TTLL7: variants seen among roughly 807,000 people sequenced by gnomAD.
The protein encoded by TTLL7 is tubulin polyglutamylase TTLL7.
A neutral mutation model predicts 120.2 loss-of-function variants in TTLL7; 53 were observed. The observed-to-expected ratio is 0.44, with a 90% CI of 0.35 to 0.55. The LOEUF is 0.55. TTLL7 is among the 20% of genes least tolerant of loss of function. The probability of loss-of-function intolerance (pLI) is 0.00; values close to 1 mark genes in which losing one functional copy is unlikely to be tolerated. For missense variants in TTLL7, 803 were observed against 1,054.7 expected (o/e 0.76, Z 3.31); for synonymous variants, 353 against 351.7 (o/e 1.00, Z -0.04).
chr1:83,890,387 T>G lies in TTLL7; in HGVS notation c.2303A>C (p.Asn768Thr). The G allele has an allele frequency of 6.2e-7, 1 of 1,613,362 alleles. No individual in the cohort carries two copies. The highest frequency in any genetic ancestry group is 8.5e-7 in the Non-Finnish European group (1 of 1,179,594). The stretch of plus-strand genomic sequence containing the variant: ...CCAGAGTAAGCGATTAAAAACCCGG[T>G]TGAAAATCCGATATAAATTTACTTC... ...VEEVNLYRIFNRVFNRLLWSR... is the reference protein window; with the variant it reads ...VEEVNLYRIFTRVFNRLLWSR... The change falls in exon 19 of 21, where the codon AAC (asparagine) becomes ACC (threonine). Residue 768 changes from asparagine to threonine, a missense_variant. Coordinates refer to ENST00000260505, the MANE Select transcript of TTLL7 (RefSeq NM_024686.6).
intron 18 of TTLL7, among the ~76,000 whole-genome samples, chr1:83,891,896 C>T (rs575221521): frequency 1.4e-4 from 21 of 151,870 alleles, no homozygotes; most frequent in African/African-American, 3.6e-4. Flanking sequence ...GGCATGATCT[C>T]GGCTTACTGT....
chr1:83,883,256 T>A, intron 19 of TTLL7, 120 bp from the exon 20 acceptor site: 1 of 684,938 alleles, frequency 1.5e-6, no homozygotes, highest in Non-Finnish European at 2.4e-6. Flanking sequence ...ACATTTGCAA[T>A]AACTATGAAT....
Position 83,867,384 on chromosome 1 carries a change from T to C in TTLL7, c.*2578A>G, listed in dbSNP as rs2100684282. On this transcript the variant is annotated 3_prime_UTR_variant, in exon 21 of 21. Coordinates refer to ENST00000260505, the MANE Select transcript of TTLL7 (RefSeq NM_024686.6). The stretch of plus-strand genomic sequence containing the variant: ...TATTCACAACTTCATCATATCAAAC[T>C]ACATCAGTCTAAATAGGCAAATGAA... 1 of 152,120 alleles carries C rather than the reference T, an allele frequency of 6.6e-6. No individual in the cohort carries two copies. The highest frequency in any genetic ancestry group is 2.4e-5 in the African/African-American group (1 of 41,562). The allele number at this position is 152,120 out of a possible 1,614,324, so 9.4% of individuals were successfully genotyped here. A position where few individuals can be genotyped will look rare whatever the true frequency, so the allele number is the denominator to read the frequency against.
chr1:83,948,111 G>A (rs1356605185), intron 5 of TTLL7, among the ~76,000 whole-genome samples: 18 of 151,898 alleles, frequency 1.2e-4, no homozygotes, highest in Admixed American at 1.2e-3. Context: ...TTGAGTAAGT[G>A]TGTGCATACA....
chr1:83,931,990 G>T (rs927843441), intron 9 of TTLL7, among the ~76,000 whole-genome samples: 4 of 152,134 alleles, frequency 2.6e-5, no homozygotes, highest in African/African-American at 9.7e-5. Context: ...ACAGCTCTTG[G>T]TTATTGTGGA....
intron 1 of TTLL7, among the ~76,000 whole-genome samples, chr1:83,993,052 G>T (rs1395340954): frequency 6.6e-6 from 1 of 151,948 alleles, no homozygotes; most frequent in East Asian, 1.9e-4. Context: ...CCCATCAAAT[G>T]CAATAATTCA....
Position 83,907,556 on chromosome 1 carries a change from CG to C in TTLL7, c.1891del (p.Arg631GlyfsTer11), listed in dbSNP as rs1657305806. 1 of 1,613,164 alleles carries C rather than the reference CG, an allele frequency of 6.2e-7. No homozygotes were observed. Among genetic ancestry groups the C allele is most frequent in the Non-Finnish European group, 8.5e-7 (1 of 1,179,524 alleles). ...ATGTGACCGAGATGCAGAAGTTGGCCGTGACACAGATATCATTTGTTGAGCA... is the reference window on the plus strand; with the variant it reads ...ATGTGACCGAGATGCAGAAGTTGGCCTGACACAGATATCATTTGTTGAGCA... ...FSAQQMISVSRPTSASRSHSL... is the reference protein window; with the variant it reads ...FSAQQMISVSXPTSASRSHSL... On this transcript the variant is annotated frameshift_variant, in exon 16 of 21. Coordinates refer to ENST00000260505, the MANE Select transcript of TTLL7 (RefSeq NM_024686.6). LOFTEE classifies it high-confidence loss of function.
intron 14 of TTLL7, among the ~76,000 whole-genome samples, chr1:83,914,420 C>T (rs1338847349): frequency 6.8e-6 from 1 of 147,692 alleles, no homozygotes; most frequent in Non-Finnish European, 1.5e-5. Flanking sequence ...CAACCTCTGC[C>T]TCCCACGTTC....
At chr1:83,870,979 A>AT (rs1161767453) in intron 20 of TTLL7, among the ~76,000 whole-genome samples, 23 of 149,606 alleles carry the variant, frequency 1.5e-4, no homozygotes, top group African/African-American at 4.4e-4. Context: ...AAAATATGTG[A>AT]TTTTTTTTTC....
intron 3 of TTLL7, among the ~76,000 whole-genome samples, 160 bp downstream of exon 3, chr1:83,951,685 A>G (rs183057685): frequency 7.5e-4 from 115 of 152,344 alleles, no homozygotes; most frequent in African/African-American, 2.7e-3. Flanking sequence ...ACCACACAGA[A>G]AAAGAATCCT....
At chr1:83,966,283 A>C (rs1650456346) in intron 1 of TTLL7, among the ~76,000 whole-genome samples, 1 of 152,008 alleles carries the variant, frequency 6.6e-6, no homozygotes, top group Non-Finnish European at 1.5e-5. Context: ...AGGCTGCTAG[A>C]CTACTCTGCA....
intron 8 of TTLL7, among the ~76,000 whole-genome samples, chr1:83,935,266 T>A (rs1207335859): frequency 6.6e-6 from 1 of 152,146 alleles, no homozygotes; most frequent in African/African-American, 2.4e-5. Context: ...CTGATAAGTA[T>A]CTGTATGGAA....
rs375607724 is a variant in TTLL7, at chr1:83,865,677, G to T, written c.*4285C>A. On this transcript the variant is annotated 3_prime_UTR_variant, in exon 21 of 21. Transcript: ENST00000260505. ...CAATAAACGCTTTTTTAGGCATAGA[G>T]GCTTCAACCTGGTTCTTAAAAATAA... 3.9e-5 allele frequency: 6 copies of T among 152,050 alleles called. No individual in the cohort carries two copies. Among genetic ancestry groups the T allele is most frequent in the African/African-American group, 1.4e-4 (6 of 41,532 alleles). 9.4% of individuals were successfully genotyped at this position (152,050 alleles called of 1,614,324 possible). A position where few individuals can be genotyped will look rare whatever the true frequency, so the allele number is the denominator to read the frequency against.
At chr1:83,976,731 T>C (rs1487959863) in intron 1 of TTLL7, among the ~76,000 whole-genome samples, 1 of 152,150 alleles carries the variant, frequency 6.6e-6, no homozygotes, top group Admixed American at 6.5e-5. Context: ...CCTATTCTCT[T>C]ACCCATTTCA....
intron 1 of TTLL7, among the ~76,000 whole-genome samples, chr1:83,991,392 T>A (rs1309684612): frequency 6.6e-6 from 1 of 152,156 alleles, no homozygotes; most frequent in East Asian, 1.9e-4. Context: ...ACACCTGTAA[T>A]CCCTGCATTT....
chr1:83,906,495 G>C, intron 16 of TTLL7, 32 bp from the exon 17 acceptor site: 1 of 1,609,936 alleles, frequency 6.2e-7, no homozygotes, highest in Non-Finnish European at 8.5e-7. Context: ...ATATTTGGAG[G>C]GGGTCTTATT....
At chr1:83,883,932 G>A (rs1336838004) in intron 19 of TTLL7, among the ~76,000 whole-genome samples, 1 of 151,954 alleles carries the variant, frequency 6.6e-6, no homozygotes, top group East Asian at 1.9e-4. Context: ...CTACCCTACT[G>A]CAATCCCAGA....
Position 83,881,744 on chromosome 1 carries a change from A to G in TTLL7, c.2543+1219T>C, listed in dbSNP as rs1458406155. 4.0e-4 allele frequency among the ~76,000 whole-genome samples: 61 copies of G among 151,400 alleles called. 1 individual carries two copies. The South Asian group carries it at 0.012, about 30-fold the overall frequency. The stretch of plus-strand genomic sequence containing the variant: ...CCAGCCATCCCATTACTGGGTATAT[A>G]CCCAAAGGACTATAAATCATGCTGC... On this transcript the variant is annotated intron_variant, in intron 20 of 20. Coordinates refer to ENST00000260505, the MANE Select transcript of TTLL7 (RefSeq NM_024686.6).
intron 18 of TTLL7, among the ~76,000 whole-genome samples, chr1:83,896,019 A>G (rs1021480473): frequency 5.3e-5 from 8 of 152,254 alleles, no homozygotes; most frequent in African/African-American, 1.9e-4. Flanking sequence ...TTAAGAAAGC[A>G]CAGACCAGGC....
Sources: allele counts gnomAD v4.1 joint callset (sites outside exome capture counted in the v4.1 genomes callset), GRCh38; gene constraint gnomAD v4.1.1; transcripts MANE v1.5; gene names NCBI Gene and HGNC (gene_info 2026-07-23, HGNC 2026-07-21).